IL26: variants seen among roughly 807,000 people sequenced by gnomAD.
IL26 encodes the protein interleukin-26.
IL26 carries 23 observed loss-of-function variants against 21.7 expected under a neutral mutation model. The observed-to-expected ratio is 1.06, with a 90% CI of 0.76 to 1.50. The LOEUF (loss-of-function observed/expected upper bound fraction) is 1.50, where lower values mean the gene tolerates loss of function less well. Among genes scored for constraint, IL26 ranks in the 40% most tolerant of loss-of-function variants. The pLI is 0.00. For synonymous variants in IL26, 63 were observed against 67.8 expected (o/e 0.93, Z 0.34); for missense variants, 204 against 196.0 (o/e 1.04, Z -0.24).
rs1274844893 is a variant in IL26 at position 68,201,616 on chromosome 12, A to G, written c.*229T>C. The G allele has an allele frequency of 7.7e-6, 3 of 387,860 alleles. No individual in the cohort carries two copies. Among genetic ancestry groups the G allele is most frequent in the Non-Finnish European group, 1.4e-5 (3 of 218,120 alleles). 24.0% of individuals were successfully genotyped at this position (387,860 alleles called of 1,614,324 possible). A position where few individuals can be genotyped will look rare whatever the true frequency, so the allele number is the denominator to read the frequency against. ...ACAATGTACTTGTGAATGACAAAAC[A>G]TGTTCAGAATGGAAACATTATTTGA... is the stretch of plus-strand genomic sequence containing the variant. On this transcript the variant is annotated 3_prime_UTR_variant, in exon 5 of 5. Transcript: ENST00000229134.
intron 3 of IL26, among the ~76,000 whole-genome samples, chr12:68,210,743 C>T (rs1294620850): frequency 6.6e-6 from 1 of 152,060 alleles, no homozygotes; most frequent in Non-Finnish European, 1.5e-5. Context: ...CCTTGTAAGA[C>T]ATTTCTTCAT....
chr12:68,223,804 A>T (rs28520935), intron 3 of IL26, among the ~76,000 whole-genome samples: 120 of 151,320 alleles, frequency 7.9e-4, no homozygotes, highest in African/African-American at 2.8e-3. Context: ...GAGAGTTTAT[A>T]AAAAAACATG....
chr12:68,219,114 T>C (rs1053064956), intron 3 of IL26, among the ~76,000 whole-genome samples: 1 of 151,842 alleles, frequency 6.6e-6, no homozygotes, highest in Non-Finnish European at 1.5e-5. Context: ...GAGATACCAA[T>C]AATTGATAAA....
intron 3 of IL26, among the ~76,000 whole-genome samples, chr12:68,203,380 G>A (rs1012015823): frequency 6.6e-6 from 1 of 152,216 alleles, no homozygotes; most frequent in African/African-American, 2.4e-5. Context: ...TTTTAGCACT[G>A]GAATAGACCA....
At chr12:68,220,505 G>C (rs1869015547) in intron 3 of IL26, among the ~76,000 whole-genome samples, 1 of 152,114 alleles carries the variant, frequency 6.6e-6, no homozygotes. Context: ...TTAAAATGAG[G>C]AAACTTCTAA....
intron 3 of IL26, among the ~76,000 whole-genome samples, chr12:68,204,067 C>G (rs1036170881): frequency 1.3e-5 from 2 of 151,834 alleles, no homozygotes; most frequent in Non-Finnish European, 2.9e-5. Context: ...AAACTTCATC[C>G]TAATATTTAA....
At chr12:68,210,625 T>A (rs764639695) in intron 3 of IL26, among the ~76,000 whole-genome samples, 1 of 152,112 alleles carries the variant, frequency 6.6e-6, no homozygotes, top group Non-Finnish European at 1.5e-5. Flanking sequence ...ACTCAGTAGA[T>A]ATTGAACAGA....
chr12:68,211,238 T>C (rs1356989111), intron 3 of IL26, among the ~76,000 whole-genome samples: 1 of 152,220 alleles, frequency 6.6e-6, no homozygotes, highest in Non-Finnish European at 1.5e-5. Flanking sequence ...CTCTGTTCCA[T>C]CCATGTTGCT....
At chr12:68,205,003 T>C (rs1265690282) in intron 3 of IL26, among the ~76,000 whole-genome samples, 1 of 152,176 alleles carries the variant, frequency 6.6e-6, no homozygotes, top group Non-Finnish European at 1.5e-5. Flanking sequence ...AGTTTTATCA[T>C]AAGAATGGCT....
chr12:68,222,350 T>C (rs1042844488), intron 3 of IL26, among the ~76,000 whole-genome samples: 7 of 152,348 alleles, frequency 4.6e-5, no homozygotes, highest in Middle Eastern at 3.4e-3. Flanking sequence ...ACCAATGTTT[T>C]ATTGTTGGCA....
At chr12:68,210,309 A>G (rs1333317799) in intron 3 of IL26, among the ~76,000 whole-genome samples, 1 of 138,266 alleles carries the variant, frequency 7.2e-6, no homozygotes, top group Non-Finnish European at 1.5e-5. Flanking sequence ...TGTTTAAAAA[A>G]TAGACTAAAT....
At chr12:68,219,586 C>T (rs904032443) in intron 3 of IL26, among the ~76,000 whole-genome samples, 3 of 151,468 alleles carry the variant, frequency 2.0e-5, no homozygotes, top group African/African-American at 7.3e-5. Flanking sequence ...GTTAGAAAAT[C>T]ACAAATTAAT....
chr12:68,218,098 T>A (rs1391300722), intron 3 of IL26, among the ~76,000 whole-genome samples: 1 of 152,086 alleles, frequency 6.6e-6, no homozygotes, highest in East Asian at 1.9e-4. Context: ...AATTTAACTG[T>A]GTCCCAGAAG....
chr12:68,214,356 C>T (rs1868814281), intron 3 of IL26, among the ~76,000 whole-genome samples: 1 of 152,102 alleles, frequency 6.6e-6, no homozygotes, highest in Non-Finnish European at 1.5e-5. Context: ...CTGTGAATGT[C>T]ACATCGGCCC....
chr12:68,218,151 C>T (rs181819619), intron 3 of IL26, among the ~76,000 whole-genome samples: 1 of 152,072 alleles, frequency 6.6e-6, no homozygotes, highest in East Asian at 1.9e-4. Flanking sequence ...TGTCTAGGAT[C>T]CAACAAGGTA....
rs776468726 is a variant in IL26 at position 68,225,417 on chromosome 12, A to G, written c.228+27T>C. On this transcript the variant is annotated intron_variant, in intron 2 of 4. Coordinates refer to ENST00000229134, the MANE Select transcript of IL26 (RefSeq NM_018402.2). ...ATAAACATCAAATAAGTGGAAATGTAAAAAAGAAGAAGACTTTCTGACTTA... is the reference window on the plus strand; with the variant it reads ...ATAAACATCAAATAAGTGGAAATGTGAAAAAGAAGAAGACTTTCTGACTTA... 49 of 1,544,454 alleles carry G rather than the reference A, an allele frequency of 3.2e-5. No individual in the cohort carries two copies. In the East Asian group the frequency reaches 1.1e-3, roughly 35 times the overall value.
intron 3 of IL26, among the ~76,000 whole-genome samples, chr12:68,220,009 C>G (rs550773328): frequency 5.7e-4 from 86 of 152,030 alleles, no homozygotes; most frequent in African/African-American, 1.9e-3. Context: ...TACCAAGGTT[C>G]CTTCAAAAAG....
At position 68,202,008 on chromosome 12, in the gene IL26, G is replaced by T. The variant is rs1868403004; in HGVS notation, c.429+10C>A. 1 of 1,554,456 alleles carries T rather than the reference G, an allele frequency of 6.4e-7. No homozygotes were observed. The highest frequency in any genetic ancestry group is 1.4e-5 in the African/African-American group (1 of 72,250). On this transcript the variant is annotated intron_variant, in intron 4 of 4. Transcript: ENST00000229134. ...CAAAGTTTTTTAATATAAGGATTTA[G>T]AATTCTTACCCTATAAAATATTCTT...
Position 68,225,254 on chromosome 12 carries a change from C to T in IL26, c.258G>A (p.Leu86=), listed in dbSNP as rs750487271. Residue 86 remains leucine, a synonymous_variant, in exon 3 of 5, where the codon CTG becomes CTA. Transcript: ENST00000229134. ...CAAAAACGTCTTCCATGAAGAAGGA[C>T]AGAAGCTGTTCTTGAAATTGACAGT... ...MKNCQFQEQL[L]SFFMEDVFGQ... 1.2e-6 allele frequency: 2 copies of T among 1,610,048 alleles called. No individual in the cohort carries two copies. Among genetic ancestry groups the T allele is most frequent in the South Asian group, 1.1e-5 (1 of 89,774 alleles).
Sources: gnomAD v4.1 joint callset for allele counts (sites outside exome capture counted in the v4.1 genomes callset) on GRCh38, gnomAD v4.1.1 for gene constraint, MANE v1.5 for transcripts, NCBI Gene and HGNC (gene_info 2026-07-23, HGNC 2026-07-21) for gene names.